The following CYP19A1 variants were observed in gnomAD, a reference collection of about 807,000 sequenced individuals.
The protein encoded by CYP19A1 is cytochrome P450 family 19 subfamily A member 1.
A neutral mutation model predicts 44.4 loss-of-function variants in CYP19A1; 32 were observed. The observed-to-expected ratio is 0.72, with a 90% CI of 0.54 to 0.97. CYP19A1 has a LOEUF of 0.97. CYP19A1 is among the 50% of genes least tolerant of loss of function. The pLI is 0.00. For missense variants in CYP19A1, 598 were observed against 637.8 expected (o/e 0.94, Z 0.67); for synonymous variants, 212 against 215.6 (o/e 0.98, Z 0.14).
intron 5 of CYP19A1, among the ~76,000 whole-genome samples, chr15:51,219,284 T>A (rs766286772): frequency 1.3e-5 from 2 of 152,234 alleles, no homozygotes; most frequent in Non-Finnish European, 2.9e-5. Flanking sequence ...AAGCCTCACA[T>A]ACAATCAGCT....
chr15:51,231,365 G>T (rs927591560), intron 3 of CYP19A1, among the ~76,000 whole-genome samples: 2 of 152,034 alleles, frequency 1.3e-5, no homozygotes, highest in Non-Finnish European at 2.9e-5. Context: ...TGTCACAGGG[G>T]GAAAAGTGTG....
At chr15:51,333,233 T>C (rs757294246) in intron 1 of CYP19A1, among the ~76,000 whole-genome samples, 3 of 152,198 alleles carry the variant, frequency 2.0e-5, no homozygotes, top group Non-Finnish European at 4.4e-5. Context: ...TTGTCTGCTC[T>C]CTGGGCTCAG....
rs121434536 is a variant in CYP19A1 at position 51,212,460 on chromosome 15, G to A, written c.1123C>T (p.Arg375Cys). 13 of 1,609,294 alleles carry A rather than the reference G, an allele frequency of 8.1e-6. No individual in the cohort carries two copies. Among genetic ancestry groups the A allele is most frequent in the Non-Finnish European group, 9.4e-6 (11 of 1,175,816 alleles). ...RYQPVVDLVM[R>C]KALEDDVIDG... ...ATTACATCATCTTCTAAGGCTTTGC[G>A]CATGACCAAGTCCACGACAGGCTGG... The change falls in exon 9 of 10, where the codon CGC (arginine) becomes TGC (cysteine). Residue 375 changes from arginine (R) to cysteine (C), a missense_variant. Coordinates refer to ENST00000396402, the MANE Select transcript of CYP19A1 (RefSeq NM_000103.4).
chr15:51,210,781 T>C lies in CYP19A1; in HGVS notation c.*27A>G. 1 of 1,410,960 alleles carries C rather than the reference T, an allele frequency of 7.1e-7. No individual in the cohort carries two copies. The highest frequency in any genetic ancestry group is 1.0e-6 in the Non-Finnish European group (1 of 993,460). 87.4% of individuals were successfully genotyped at this position (1,410,960 alleles called of 1,614,324 possible). ...TATGTGAACTACTGATGAGAAATGCTCCAGAGTGGGTACTGACCAGCCTTC... is the reference window on the plus strand; with the variant it reads ...TATGTGAACTACTGATGAGAAATGCCCCAGAGTGGGTACTGACCAGCCTTC... On this transcript the variant is annotated 3_prime_UTR_variant, in exon 10 of 10. Coordinates refer to ENST00000396402, the MANE Select transcript of CYP19A1 (RefSeq NM_000103.4).
chr15:51,313,243 C>CTTCTCTTCTTTGTTTTA (rs1488819996), intron 1 of CYP19A1: 18 of 152,334 alleles, frequency 1.2e-4, no homozygotes, highest in African/African-American at 3.8e-4. Context: ...GGGAATAGGC[C>CTTCTCTTCTTTGTTTTA]TTCTCTTCTT....
At chr15:51,230,682 A>T (rs896096286) in intron 3 of CYP19A1, among the ~76,000 whole-genome samples, 1 of 147,072 alleles carries the variant, frequency 6.8e-6, no homozygotes, top group African/African-American at 2.5e-5. Context: ...GCAGTGGCGC[A>T]ATCTCAGCTA....
intron 2 of CYP19A1, 87 bp downstream of exon 2, chr15:51,242,681 G>A: frequency 1.2e-6 from 1 of 834,672 alleles, no homozygotes; most frequent in South Asian, 1.4e-5. Context: ...TTTGCTTTTT[G>A]TCCTTTTGCA....
At chr15:51,293,713 C>T (rs539615927) in intron 1 of CYP19A1, 7 of 159,096 alleles carry the variant, frequency 4.4e-5, no homozygotes, top group Non-Finnish European at 6.9e-5. Flanking sequence ...CGCGCCGCCA[C>T]GCCTGACTGT....
At chr15:51,234,398 G>A (rs1159047905) in intron 3 of CYP19A1, among the ~76,000 whole-genome samples, 1 of 152,174 alleles carries the variant, frequency 6.6e-6, no homozygotes. Context: ...CGCCTGAGTC[G>A]GTCGGGGTTG....
At chr15:51,286,058 G>C (rs893344532) in intron 1 of CYP19A1, among the ~76,000 whole-genome samples, 6 of 152,138 alleles carry the variant, frequency 3.9e-5, no homozygotes, top group African/African-American at 1.4e-4. Context: ...ACCACCTAAA[G>C]GGAAGGCCAG....
intron 1 of CYP19A1, among the ~76,000 whole-genome samples, chr15:51,265,600 G>A (rs1039714444): frequency 9.9e-5 from 15 of 152,106 alleles, no homozygotes; most frequent in Admixed American, 6.5e-4. Context: ...TCACCCACTC[G>A]ACCTGCTCAC....
chr15:51,335,064 G>C (rs953125634), intron 1 of CYP19A1, among the ~76,000 whole-genome samples: 5 of 151,670 alleles, frequency 3.3e-5, no homozygotes, highest in African/African-American at 1.2e-4. Flanking sequence ...CATAGGTGCT[G>C]ATCCCTAATA....
intron 1 of CYP19A1, among the ~76,000 whole-genome samples, chr15:51,287,420 C>T (rs1039473309): frequency 6.6e-6 from 1 of 152,180 alleles, no homozygotes; most frequent in African/African-American, 2.4e-5. Context: ...GGCCCGGAAA[C>T]AGAGCCCACT....
At chr15:51,268,265 C>G (rs1024207300) in intron 1 of CYP19A1, among the ~76,000 whole-genome samples, 1 of 152,264 alleles carries the variant, frequency 6.6e-6, no homozygotes, top group Non-Finnish European at 1.5e-5. Context: ...TTCCTCCACA[C>G]CCATCCCCTG....
chr15:51,250,269 C>T (rs1013804199), intron 1 of CYP19A1, among the ~76,000 whole-genome samples: 2 of 152,208 alleles, frequency 1.3e-5, no homozygotes, highest in South Asian at 2.1e-4. Flanking sequence ...CAGGCAGGAC[C>T]GTGGCTTTCT....
At chr15:51,242,973 A>C in intron 1 of CYP19A1, 23 bp from the exon 2 acceptor site, 1 of 1,180,174 alleles carries the variant, frequency 8.5e-7, no homozygotes, top group Non-Finnish European at 1.3e-6. Flanking sequence ...AAGGGACAGA[A>C]AAATTACAGA....
chr15:51,274,024 C>T (rs1595745576), intron 1 of CYP19A1, among the ~76,000 whole-genome samples: 1 of 134,690 alleles, frequency 7.4e-6, no homozygotes, highest in Non-Finnish European at 1.6e-5. Context: ...CACACACACA[C>T]ACAAAAGACA....
In CYP19A1 at chr15:51,242,784, G is replaced by A. The variant is rs534366192; in HGVS notation, c.129C>T (p.Gly43=). The A allele has an allele frequency of 9.6e-6, 15 of 1,565,994 alleles. No homozygotes were observed. Among genetic ancestry groups the A allele is most frequent in the Non-Finnish European group, 1.1e-5 (13 of 1,136,120 alleles). The change falls in exon 2 of 10, where the codon GGC becomes GGT. Residue 43 remains glycine (G), a synonymous_variant. Transcript: ENST00000396402. ...GLFLLVWNYE[G]TSSIPGPGYC... The stretch of plus-strand genomic sequence containing the variant: ...CTGACTTACCTGGTATTGAGGATGT[G>A]CCCTCATAATTCCACACCAAGAGAA...
intron 1 of CYP19A1, among the ~76,000 whole-genome samples, chr15:51,323,278 AG>A (rs1309228622): frequency 2.0e-5 from 3 of 152,118 alleles, no homozygotes; most frequent in Non-Finnish European, 4.4e-5. Flanking sequence ...TCCTTCTTAT[AG>A]GAAGCTGCTC....
Sources: allele counts gnomAD v4.1 joint callset (sites outside exome capture counted in the v4.1 genomes callset), GRCh38; gene constraint gnomAD v4.1.1; transcripts MANE v1.5; gene names NCBI Gene and HGNC (gene_info 2026-07-23, HGNC 2026-07-21).